Variants in PDE6A observed in about 807,000 individuals in gnomAD.
PDE6A encodes the protein phosphodiesterase 6A, also known as rod cGMP-specific 3',5'-cyclic phosphodiesterase subunit alpha.
A neutral mutation model predicts 106.3 loss-of-function variants in PDE6A; 84 were observed. That is an observed-to-expected ratio of 0.79 (90% CI 0.66 to 0.95). The LOEUF (loss-of-function observed/expected upper bound fraction) is 0.95, where lower values mean the gene tolerates loss of function less well. PDE6A is among the 40% of genes least tolerant of loss of function. PDE6A has a pLI of 0.00. For missense variants in PDE6A, 1,052 were observed against 1,084.9 expected (o/e 0.97, Z 0.43); for synonymous variants, 394 against 386.6 (o/e 1.02, Z -0.23).
At chr5:149,886,746 G>A (rs1215719525) in intron 13 of PDE6A, among the ~76,000 whole-genome samples, 1 of 152,202 alleles carries the variant, frequency 6.6e-6, no homozygotes, top group Non-Finnish European at 1.5e-5. Flanking sequence ...GATTTGGAGA[G>A]TTTCTGAACA....
At chr5:149,892,639 C>A (rs181193739) in intron 13 of PDE6A, among the ~76,000 whole-genome samples, 226 of 152,050 alleles carry the variant, frequency 1.5e-3, no homozygotes, top group African/African-American at 5.2e-3. Flanking sequence ...CACAGGCGTG[C>A]GCCACCATAC....
At chr5:149,895,712 A>G (rs976147144) in intron 12 of PDE6A, among the ~76,000 whole-genome samples, 4 of 151,960 alleles carry the variant, frequency 2.6e-5, no homozygotes, top group Non-Finnish European at 4.4e-5. Flanking sequence ...CACTTGGAGG[A>G]CTTGTTAAAA....
At position 149,903,691 on chromosome 5, in the gene PDE6A, C is replaced by T; in HGVS notation, c.1070G>A (p.Cys357Tyr). The T allele has an allele frequency of 1.2e-6, 2 of 1,613,658 alleles. No homozygotes were observed. The highest frequency in any genetic ancestry group is 1.7e-4 in the Middle Eastern group (1 of 6,060). Residue 357 changes from cysteine (C) to tyrosine (Y), a missense_variant, in exon 8 of 22, where the codon TGC (cysteine) becomes TAC (tyrosine). Physicochemically the swap from Cys to Tyr is radical, Grantham distance 194. Coordinates refer to ENST00000255266, the MANE Select transcript of PDE6A (RefSeq NM_000440.3). ...PAYVAQNGLI[C>Y]NIMNAPAEDF... ...CTCCGCAGGCGCATTCATGATGTTG[C>T]AAATCTGAGAGCAGTGAAGGGGAAT...
intron 8 of PDE6A, among the ~76,000 whole-genome samples, chr5:149,901,019 G>A (rs144092675): frequency 2.0e-5 from 3 of 152,156 alleles, no homozygotes; most frequent in African/African-American, 4.8e-5. Flanking sequence ...GGGTTCAAGC[G>A]ATTCTCCTGT....
In PDE6A at chr5:149,868,979, G is replaced by T. The variant is rs567787021; in HGVS notation, c.2136-821C>A. Among the ~76,000 whole-genome samples, 14 of 152,284 alleles carry T rather than the reference G, an allele frequency of 9.2e-5. No homozygotes were observed. The East Asian group carries it at 2.5e-3, about 27-fold the overall frequency. Reference sequence around the variant, plus strand: ...TTTAAAAGGTAAAAAAAAGAAAAAAGAAAACATATGGTGTAAAGAGAACTG... The same window carrying T: ...TTTAAAAGGTAAAAAAAAGAAAAAATAAAACATATGGTGTAAAGAGAACTG... On this transcript the variant is annotated intron_variant, in intron 17 of 21. Transcript: ENST00000255266.
At chr5:149,884,624 C>A in intron 15 of PDE6A, 45 bp from the exon 16 acceptor site, 1 of 1,529,854 alleles carries the variant, frequency 6.5e-7, no homozygotes, top group South Asian at 1.1e-5. Flanking sequence ...TTGATGCTGG[C>A]AGTAAAGTCA....
intron 5 of PDE6A, among the ~76,000 whole-genome samples, 199 bp downstream of exon 5, chr5:149,921,436 T>A (rs551701923): frequency 1.3e-5 from 2 of 152,096 alleles, no homozygotes; most frequent in African/African-American, 2.4e-5. Flanking sequence ...GTTTTTTTTT[T>A]ACTTTTTTTC....
At position 149,884,489 on chromosome 5, in the gene PDE6A, G is replaced by T. The variant is rs1184669882; in HGVS notation, c.2017C>A (p.Leu673Met). ...DIAIIATDLA[L>M]YFKKRTMFQK... ...AGAAGATATACCAACTTGAAATACA[G>T]GGCGAGGTCTGTGGCAATGATTGCA... The change falls in exon 16 of 22, where the codon CTG (leucine) becomes ATG (methionine). Residue 673 changes from leucine (L) to methionine (M), a missense_variant. Transcript: ENST00000255266. 1 of 1,609,958 alleles carries T rather than the reference G, an allele frequency of 6.2e-7. No individual in the cohort carries two copies. The highest frequency in any genetic ancestry group is 8.5e-7 in the Non-Finnish European group (1 of 1,176,404).
At position 149,933,980 on chromosome 5, in the gene PDE6A, T is replaced by C. The variant is rs907514256; in HGVS notation, c.667A>G (p.Lys223Glu). The C allele has an allele frequency of 1.2e-6, 2 of 1,613,858 alleles. No individual in the cohort carries two copies. The highest frequency in any genetic ancestry group is 1.7e-6 in the Non-Finnish European group (2 of 1,179,738). Residue 223 changes from lysine to glutamate, a missense_variant, in exon 3 of 22, where the codon AAG becomes GAG. Physicochemically the swap from Lys to Glu is moderately conservative, Grantham distance 56. Around this residue, in one of 3 missense-constraint regions of PDE6A, gnomAD observed 913 missense variants for 915.2 expected, o/e 1.00. Transcript: ENST00000255266. The stretch of plus-strand genomic sequence containing the variant: ...TGCAGGTAACTCAGGTGGTACACCT[T>C]CATGATTAGATTTGCAAAATTGAGG... Reference protein sequence around the residue: ...KYLNFANLIMKVYHLSYLHNC... With the variant: ...KYLNFANLIMEVYHLSYLHNC...
intron 13 of PDE6A, 31 bp downstream of exon 13, chr5:149,895,152 C>T: frequency 7.3e-7 from 1 of 1,366,870 alleles, no homozygotes; most frequent in Non-Finnish European, 1.0e-6. Flanking sequence ...GATGCAAGCC[C>T]ACCCTACCAG....
At position 149,896,444 on chromosome 5, in the gene PDE6A, A is replaced by G; in HGVS notation, c.1532T>C (p.Leu511Ser). Residue 511 changes from leucine (L) to serine (S), a missense_variant, in exon 12 of 22, where the codon TTA (leucine) becomes TCA (serine). Leu to Ser is a moderately radical substitution (Grantham distance 145, BLOSUM62 -2). Transcript: ENST00000255266. ...YEINKFHFSD[L>S]PLTELELVKC... ...TACCAGCTCCAGTTCTGTTAGGGGT[A>G]AGTCACTGAAGTGAAATTTATTAAT... 2 of 1,614,050 alleles carry G rather than the reference A, an allele frequency of 1.2e-6. No individual in the cohort carries two copies. Among genetic ancestry groups the G allele is most frequent in the East Asian group, 2.2e-5 (1 of 44,884 alleles).
chr5:149,896,559 C>T (rs1752759417), intron 11 of PDE6A, 57 bp from the exon 12 acceptor site: 21 of 1,613,920 alleles, frequency 1.3e-5, no homozygotes, highest in Non-Finnish European at 1.7e-5. Context: ...TGGGTGCCCA[C>T]CTCCTGTCCA....
intron 1 of PDE6A, 25 bp downstream of exon 1, chr5:149,944,175 C>A: frequency 6.4e-7 from 1 of 1,563,742 alleles, no homozygotes; most frequent in South Asian, 1.1e-5. Context: ...GCCCCATGCC[C>A]TCTCTCTCAT....
intron 7 of PDE6A, among the ~76,000 whole-genome samples, chr5:149,906,859 C>T (rs1481781656): frequency 6.6e-6 from 1 of 152,162 alleles, no homozygotes; most frequent in African/African-American, 2.4e-5. Context: ...GCAACCTCCG[C>T]CTCCCAGGTT....
chr5:149,936,201 G>GGAAGGAAA, intron 1 of PDE6A, among the ~76,000 whole-genome samples: 1 of 150,916 alleles, frequency 6.6e-6, no homozygotes, highest in African/African-American at 2.4e-5. Context: ...AAGGAAGGAA[G>GGAAGGAAA]GAATTCAGAG....
intron 17 of PDE6A, among the ~76,000 whole-genome samples, chr5:149,875,603 C>A (rs1477387384): frequency 6.6e-6 from 1 of 151,760 alleles, no homozygotes; most frequent in Non-Finnish European, 1.5e-5. Context: ...AGTCCCTCCA[C>A]CTCAGCCTCC....
At chr5:149,869,109 C>T (rs1760441311) in intron 17 of PDE6A, among the ~76,000 whole-genome samples, 1 of 152,184 alleles carries the variant, frequency 6.6e-6, no homozygotes, top group Admixed American at 6.5e-5. Flanking sequence ...GTGGGCGGAT[C>T]ACTTGCAGTC....
chr5:149,940,964 A>G (rs1343694391), intron 1 of PDE6A, among the ~76,000 whole-genome samples: 2 of 152,168 alleles, frequency 1.3e-5, no homozygotes, highest in Non-Finnish European at 2.9e-5. Flanking sequence ...ATCTGAAGTA[A>G]CTCCAGAGGT....
chr5:149,921,675 T>C lies in PDE6A; in HGVS notation c.893A>G (p.Glu298Gly). The part of the protein sequence containing the change: ...FFDVWPVLMG[E>G]VPPYSGPRTP... ...CCTGGGACCAGAGTAAGGTGGAACT[T>C]CACCCATCAGAACCGGCCACACATC... The change falls in exon 5 of 22, where the codon GAA becomes GGA. Residue 298 changes from glutamate to glycine, a missense_variant. Physicochemically the swap from Glu to Gly is moderately conservative, Grantham distance 98. Coordinates refer to ENST00000255266, the MANE Select transcript of PDE6A (RefSeq NM_000440.3). 1 of 1,613,934 alleles carries C rather than the reference T, an allele frequency of 6.2e-7. No individual in the cohort carries two copies.
Sources: gnomAD v4.1 joint callset for allele counts (sites outside exome capture counted in the v4.1 genomes callset) on GRCh38, gnomAD v4.1.1 for gene constraint, gnomAD v4.1.1 regional missense constraint, MANE v1.5 for transcripts, NCBI Gene and HGNC (gene_info 2026-07-23, HGNC 2026-07-21) for gene names.